The following HLA-DPB1 variants were observed in gnomAD, a reference collection of about 807,000 sequenced individuals.
HLA-DPB1 encodes HLA class II histocompatibility antigen, DP beta 1 chain.
HLA-DPB1 carries 30 observed loss-of-function variants against 29.4 expected under a neutral mutation model. The ratio of observed to expected loss-of-function variants is 1.02; its 90% CI spans 0.76 to 1.38. The LOEUF is 1.38. HLA-DPB1 is among the 40% of genes most tolerant of loss of function. HLA-DPB1 has a pLI of 0.00. For missense variants in HLA-DPB1, 261 were observed against 327.5 expected (o/e 0.80, Z 1.57); for synonymous variants, 114 against 134.0 (o/e 0.85, Z 1.03).
intron 5 of HLA-DPB1, 122 bp downstream of exon 5, chr6:33,086,364 TGTCAG>T: frequency 1.2e-6 from 1 of 843,118 alleles, no homozygotes; most frequent in Non-Finnish European, 2.1e-6. Flanking sequence ...CCTCTTTCAA[TGTCAG>T]CCTTCAGGCA....
rs746334133 is a variant in HLA-DPB1, at chr6:33,084,898, AAAG to A, written c.365-48_365-46del. 1.2e-3 allele frequency: 973 copies of A among 842,838 alleles called. 101 individuals carry two copies. The highest frequency in any genetic ancestry group is 1.4e-3 in the Non-Finnish European group (915 of 638,388). The allele number at this position is 842,838 out of a possible 1,614,324, so 52.2% of individuals were successfully genotyped here. On this transcript the variant is annotated intron_variant, in intron 2 of 5. Coordinates refer to ENST00000418931, the MANE Select transcript of HLA-DPB1 (RefSeq NM_002121.6). ...GAAGGAAGGAAGGAAGGAAGGAAGGAAAGAAGGACAATCTCAAATTCTATTTCA... is the reference window on the plus strand; with the variant it reads ...GAAGGAAGGAAGGAAGGAAGGAAGGAAAGGACAATCTCAAATTCTATTTCA...
At chr6:33,084,192 A>T (rs9277427) in intron 2 of HLA-DPB1, among the ~76,000 whole-genome samples, 57,625 of 151,822 alleles carry the variant, frequency 0.38, 12,323 homozygotes, top group East Asian at 0.64. Flanking sequence ...ATTTGAGTAA[A>T]TTTTGCTTCC....
intron 1 of HLA-DPB1, among the ~76,000 whole-genome samples, chr6:33,077,254 C>T (rs957302753): frequency 6.6e-6 from 1 of 151,962 alleles, no homozygotes; most frequent in Non-Finnish European, 1.5e-5. Context: ...TGAACTCATC[C>T]TTTTTTATGG....
intron 1 of HLA-DPB1, among the ~76,000 whole-genome samples, chr6:33,077,639 A>T (rs1472279496): frequency 1.3e-5 from 2 of 152,312 alleles, no homozygotes; most frequent in Admixed American, 1.3e-4. Flanking sequence ...TTGTACTCTC[A>T]GGACATTTCT....
Position 33,085,199 on chromosome 6 carries a change from C to G in HLA-DPB1, c.614C>G (p.Thr205Ser). 6.2e-7 allele frequency: 1 copy of G among 1,611,878 alleles called. No individual in the cohort carries two copies. Among genetic ancestry groups the G allele is most frequent in the South Asian group, 1.1e-5 (1 of 91,000 alleles). Reference protein sequence around the residue: ...GDVYTCQVEHTSLDSPVTVEW... With the variant: ...GDVYTCQVEHSSLDSPVTVEW... The stretch of plus-strand genomic sequence containing the variant: ...GTCTACACCTGCCAAGTGGAGCACA[C>G]CAGCCTGGATAGTCCTGTCACCGTG... Residue 205 changes from threonine to serine, a missense_variant, in exon 3 of 6, where the codon ACC becomes AGC. Coordinates refer to ENST00000418931, the MANE Select transcript of HLA-DPB1 (RefSeq NM_002121.6).
Position 33,080,823 on chromosome 6 carries a change from TGCG to T in HLA-DPB1, c.254_256del (p.Ala85del). ...CGGTGACGGAGCTGGGGCGGCCTGCTGCGGAGTACTGGAACAGCCAGAAGGACA... is the reference window on the plus strand; with the variant it reads ...CGGTGACGGAGCTGGGGCGGCCTGCTGAGTACTGGAACAGCCAGAAGGACA... On this transcript the variant is annotated inframe_deletion, in exon 2 of 6. Transcript: ENST00000418931. The surrounding 1 kb of genome is among the most constrained non-coding windows in gnomAD (Gnocchi z 4.3). 1 of 1,594,386 alleles carries T rather than the reference TGCG, an allele frequency of 6.3e-7. No individual in the cohort carries two copies. The highest frequency in any genetic ancestry group is 8.6e-7 in the Non-Finnish European group (1 of 1,164,298).
chr6:33,079,881 G>T, intron 1 of HLA-DPB1: 2 of 287,042 alleles, frequency 7.0e-6, no homozygotes, highest in Non-Finnish European at 1.4e-5. Context: ...TCCACGTTTT[G>T]TGTGTAAATA....
intron 4 of HLA-DPB1, 143 bp downstream of exon 4, chr6:33,086,032 T>G: frequency 1.3e-6 from 1 of 770,520 alleles, no homozygotes; most frequent in East Asian, 2.6e-5. Flanking sequence ...AAACATGACC[T>G]ATAGCGAGAG....
intron 1 of HLA-DPB1, chr6:33,079,707 T>C: frequency 2.0e-6 from 1 of 509,468 alleles, no homozygotes. Flanking sequence ...CTCAAGGAGC[T>C]GAAAGTGCTG....
intron 1 of HLA-DPB1, among the ~76,000 whole-genome samples, chr6:33,079,207 G>A (rs1374542586): frequency 6.6e-6 from 1 of 152,222 alleles, no homozygotes; most frequent in East Asian, 1.9e-4. Context: ...AACAATCACA[G>A]CACCTTAATT....
rs1208801970 is a variant in HLA-DPB1, at chr6:33,088,506, GAT to G, written c.*1973_*1974del. Among the ~76,000 whole-genome samples the G allele has an allele frequency of 6.6e-6, 1 of 152,200 alleles. No individual in the cohort carries two copies. The highest frequency in any genetic ancestry group is 1.9e-4 in the East Asian group (1 of 5,198). On this transcript the variant is annotated 3_prime_UTR_variant, in exon 6 of 6. Transcript: ENST00000418931. ...CTGGAGTCACAGAAAGAAGGTATCA[GAT>G]GTGTCTCACTCTGACATATGCAGGT...
At chr6:33,076,734 G>T (rs144015997) in intron 1 of HLA-DPB1, among the ~76,000 whole-genome samples, 3,301 of 152,192 alleles carry the variant, frequency 0.022, 49 homozygotes, top group Middle Eastern at 0.079. Flanking sequence ...AGTGGGTTGC[G>T]ACTTGTAGGA....
intron 1 of HLA-DPB1, chr6:33,079,696 C>A: frequency 2.0e-6 from 1 of 503,590 alleles, no homozygotes; most frequent in South Asian, 1.4e-5. Flanking sequence ...TGGTCCACAG[C>A]CTCAAGGAGC....
intron 5 of HLA-DPB1, 112 bp from the exon 6 acceptor site, chr6:33,086,427 T>A: frequency 1.4e-6 from 1 of 722,368 alleles, no homozygotes; most frequent in Non-Finnish European, 2.6e-6. Context: ...GAAGCAGAGA[T>A]CAACTCTGTT....
At chr6:33,078,470 GA>G (rs1554185023) in intron 1 of HLA-DPB1, among the ~76,000 whole-genome samples, 2 of 152,154 alleles carry the variant, frequency 1.3e-5, no homozygotes, top group Non-Finnish European at 1.5e-5. Flanking sequence ...GGCTGGGGGA[GA>G]AAAGCTTGGC....
chr6:33,081,013 G>C, intron 2 of HLA-DPB1, 78 bp downstream of exon 2: 1 of 1,438,304 alleles, frequency 7.0e-7, no homozygotes, highest in African/African-American at 1.4e-5. Context: ...AGCCGGGTTG[G>C]CCTAAGGGAC....
rs139338683 is a variant in HLA-DPB1 at position 33,080,405 on chromosome 6, C to T, written c.101-267C>T. ...CACCAGCAGAAGGGACTGCCTTCCC[C>T]TCAGTGCTCGCCCCTCCCTAGTGAT... On this transcript the variant is annotated intron_variant, in intron 1 of 5. Transcript: ENST00000418931. The surrounding 1 kb of genome is among the most constrained non-coding windows in gnomAD (Gnocchi z 4.3). 5.4e-3 allele frequency: 3,606 copies of T among 664,892 alleles called. 18 individuals carry two copies. Among genetic ancestry groups the T allele is most frequent in the East Asian group, 7.6e-3 (244 of 31,952 alleles). The allele number at this position is 664,892 out of a possible 1,614,324, so 41.2% of individuals were successfully genotyped here. A position where few individuals can be genotyped will look rare whatever the true frequency, so the allele number is the denominator to read the frequency against.
rs1763127030 is a variant in HLA-DPB1 at position 33,086,764 on chromosome 6, AC to A, written c.*233del. ...CTTCTTAGCACCACAAATAATCAAA[AC>A]CCAACATGACTGTTTGTTTTCCTTT... On this transcript the variant is annotated 3_prime_UTR_variant, in exon 6 of 6. Transcript: ENST00000418931. 5.7e-6 allele frequency: 2 copies of A among 353,440 alleles called. No individual in the cohort carries two copies. The highest frequency in any genetic ancestry group is 1.1e-5 in the Non-Finnish European group (2 of 175,524). The allele number at this position is 353,440 out of a possible 1,614,324, so 21.9% of individuals were successfully genotyped here.
rs547742800 is a variant in HLA-DPB1 at position 33,089,051 on chromosome 6, C to T, written c.*2517C>T. Among the ~76,000 whole-genome samples, 7 of 152,136 alleles carry T rather than the reference C, an allele frequency of 4.6e-5. No homozygotes were observed. The highest frequency in any genetic ancestry group is 4.1e-4 in the South Asian group (2 of 4,820). ...AAATCATCTCACCCTCTCTTTGTCC[C>T]CATTTGTCAAGTAGCAGTGAGGCCG... is the stretch of plus-strand genomic sequence containing the variant. On this transcript the variant is annotated 3_prime_UTR_variant, in exon 6 of 6. Transcript: ENST00000418931.
Sources: allele counts gnomAD v4.1 joint callset (sites outside exome capture counted in the v4.1 genomes callset), GRCh38; gene constraint gnomAD v4.1.1; non-coding constraint Gnocchi (gnomAD v3.1); transcripts MANE v1.5; gene names NCBI Gene and HGNC (gene_info 2026-07-23, HGNC 2026-07-21).